BRMS1L: variants seen among roughly 807,000 people sequenced by gnomAD.
The protein encoded by BRMS1L is BRMS1 like transcriptional repressor.
In BRMS1L, 23 loss-of-function variants were observed where a neutral mutation model predicts 50.3. That is an observed-to-expected ratio of 0.46 (90% confidence interval 0.33 to 0.65). The LOEUF (loss-of-function observed/expected upper bound fraction) is 0.65. Ranked by LOEUF, BRMS1L falls within the 30% of genes least tolerant of loss-of-function variation. The pLI is 0.02. For synonymous variants in BRMS1L, 114 were observed against 126.9 expected (o/e 0.90, Z 0.69); for missense variants, 286 against 386.1 (o/e 0.74, Z 2.17).
chr14:35,832,226 C>T (rs965122053), intron 2 of BRMS1L, among the ~76,000 whole-genome samples: 1 of 151,424 alleles, frequency 6.6e-6, no homozygotes. Context: ...TAGGCTGGGC[C>T]GGGCACGGTG....
Position 35,870,396 on chromosome 14 carries a change from G to T in BRMS1L, c.891G>T (p.Trp297Cys). The change falls in exon 10 of 10, where the codon TGG (tryptophan) becomes TGT (cysteine). Residue 297 changes from tryptophan to cysteine, a missense_variant. Trp to Cys is a radical substitution (Grantham distance 215). Around this residue, in one of 5 missense-constraint regions of BRMS1L, gnomAD observed 49 missense variants for 39.1 expected, o/e 1.25. Transcript: ENST00000216807. ...VITTINHDEV[W>C]FKRPDGSKSK... is the part of the protein sequence containing the mutation. Reference sequence around the variant, plus strand: ...CAACAATTAACCATGATGAAGTTTGGTTTAAGAGGCCTGATGGAAGCAAAT... The same window carrying T: ...CAACAATTAACCATGATGAAGTTTGTTTTAAGAGGCCTGATGGAAGCAAAT... 1 of 1,607,026 alleles carries T rather than the reference G, an allele frequency of 6.2e-7. No homozygotes were observed. Among genetic ancestry groups the T allele is most frequent in the Non-Finnish European group, 8.5e-7 (1 of 1,176,728 alleles).
intron 4 of BRMS1L, among the ~76,000 whole-genome samples, chr14:35,859,563 A>G (rs1318786502): frequency 6.6e-6 from 1 of 151,988 alleles, no homozygotes; most frequent in Non-Finnish European, 1.5e-5. Flanking sequence ...GTATTGTGGG[A>G]TTGTGAGATG....
At chr14:35,830,068 C>T (rs2077898724) in intron 1 of BRMS1L, among the ~76,000 whole-genome samples, 1 of 151,352 alleles carries the variant, frequency 6.6e-6, no homozygotes, top group Non-Finnish European at 1.5e-5. Flanking sequence ...TTTTCTTTTT[C>T]TTTTTTTTTC....
intron 4 of BRMS1L, chr14:35,858,603 A>T (rs1384269114): frequency 6.6e-6 from 1 of 152,236 alleles, no homozygotes; most frequent in Non-Finnish European, 1.5e-5. Flanking sequence ...TTTGGGAGCA[A>T]CTTAGCTGGA....
At position 35,847,589 on chromosome 14, in the gene BRMS1L, G is replaced by A. The variant is rs571898761; in HGVS notation, c.441+12666G>A. Among the ~76,000 whole-genome samples the A allele has an allele frequency of 4.5e-4, 68 of 152,204 alleles. 1 individual carries two copies. The highest frequency in any genetic ancestry group is 5.3e-4 in the Non-Finnish European group (36 of 68,040). On this transcript the variant is annotated intron_variant, in intron 4 of 9. Transcript: ENST00000216807. Reference sequence around the variant, plus strand: ...AATAGTAAAGTCATTCACCATTTGAGATTTGGAGGCCAAAGGTACTAATGA... The same window carrying A: ...AATAGTAAAGTCATTCACCATTTGAAATTTGGAGGCCAAAGGTACTAATGA...
At chr14:35,861,576 A>C (rs1735689549) in intron 4 of BRMS1L, among the ~76,000 whole-genome samples, 1 of 152,238 alleles carries the variant, frequency 6.6e-6, no homozygotes, top group Admixed American at 6.5e-5. Context: ...GTTTGATATG[A>C]AATCTAGTTT....
chr14:35,832,730 G>C (rs2077938957), intron 2 of BRMS1L, among the ~76,000 whole-genome samples: 1 of 152,148 alleles, frequency 6.6e-6, no homozygotes, highest in Non-Finnish European at 1.5e-5. Flanking sequence ...CCAAAAAGTA[G>C]TTATTTCAAT....
At chr14:35,841,086 T>C (rs1022500791) in intron 4 of BRMS1L, among the ~76,000 whole-genome samples, 17 of 152,126 alleles carry the variant, frequency 1.1e-4, no homozygotes, top group Admixed American at 1.0e-3. Flanking sequence ...ACTTATTTAT[T>C]TCTGCCTTAA....
rs1059562 is a variant in BRMS1L at position 35,871,411 on chromosome 14, C to G, written c.*934C>G. On this transcript the variant is annotated 3_prime_UTR_variant, in exon 10 of 10. Transcript: ENST00000216807. ...TCTATTTCCAAATTAATATTTTTTT[C>G]TTTGGTATTTCTACACTTTAAGGCC... is the stretch of plus-strand genomic sequence containing the variant. 14 of 152,450 alleles carry G rather than the reference C, an allele frequency of 9.2e-5. No individual in the cohort carries two copies. Among genetic ancestry groups the G allele is most frequent in the African/African-American group, 3.4e-4 (14 of 41,400 alleles). The allele number at this position is 152,450 out of a possible 1,614,324, so 9.4% of individuals were successfully genotyped here. A position where few individuals can be genotyped will look rare whatever the true frequency, so the allele number is the denominator to read the frequency against.
intron 1 of BRMS1L, among the ~76,000 whole-genome samples, 193 bp from the exon 2 acceptor site, chr14:35,831,217 G>A (rs141336042): frequency 1.3e-5 from 2 of 152,188 alleles, no homozygotes; most frequent in African/African-American, 4.8e-5. Flanking sequence ...TGGAATTAGA[G>A]GCATGAGCCA....
intron 4 of BRMS1L, among the ~76,000 whole-genome samples, chr14:35,859,475 A>G (rs894976596): frequency 2.6e-5 from 4 of 152,122 alleles, no homozygotes; most frequent in Admixed American, 2.0e-4. Flanking sequence ...GTCTCTTACC[A>G]TTTTGATTCC....
intron 4 of BRMS1L, among the ~76,000 whole-genome samples, chr14:35,857,301 G>GTATA (rs35853963): frequency 1.0e-4 from 15 of 147,428 alleles, no homozygotes; most frequent in Admixed American, 2.7e-4. Context: ...GTGTGTGTGT[G>GTATA]TATATATATA....
chr14:35,843,485 C>T (rs563578115), intron 4 of BRMS1L, among the ~76,000 whole-genome samples: 1 of 152,322 alleles, frequency 6.6e-6, no homozygotes, highest in East Asian at 1.9e-4. Context: ...ACTCTAAACC[C>T]TGTTTGCCTG....
intron 2 of BRMS1L, among the ~76,000 whole-genome samples, chr14:35,832,711 T>C (rs539628497): frequency 6.6e-4 from 100 of 152,330 alleles, no homozygotes; most frequent in Non-Finnish European, 1.3e-3. Context: ...AAAACAAACA[T>C]TAATAGTGCC....
chr14:35,834,807 T>A, intron 3 of BRMS1L, 37 bp from the exon 4 acceptor site: 1 of 1,389,392 alleles, frequency 7.2e-7, no homozygotes, highest in Non-Finnish European at 9.6e-7. Flanking sequence ...GAACTTCTCA[T>A]TGCTAACATA....
chr14:35,855,681 A>C (rs980417680), intron 4 of BRMS1L, among the ~76,000 whole-genome samples: 1 of 152,136 alleles, frequency 6.6e-6, no homozygotes, highest in African/African-American at 2.4e-5. Flanking sequence ...TATGTTTAAC[A>C]TGTTAATCTG....
At chr14:35,868,112 C>T in intron 9 of BRMS1L, 80 bp downstream of exon 9, 1 of 1,396,910 alleles carries the variant, frequency 7.2e-7, no homozygotes, top group South Asian at 1.5e-5. Context: ...TTCCTGCCTC[C>T]ATAGTGTGCC....
chr14:35,835,553 A>G (rs1425507763), intron 4 of BRMS1L, among the ~76,000 whole-genome samples: 1 of 152,218 alleles, frequency 6.6e-6, no homozygotes, highest in African/African-American at 2.4e-5. Flanking sequence ...GCATTTAAAA[A>G]ACATAGTGCC....
Position 35,829,934 on chromosome 14 carries a change from A to T in BRMS1L, c.143-1476A>T, listed in dbSNP as rs892198993. ...TAATTAACAGTTGCTTTCCTTAAAA[A>T]GTTTGTATTTTCCTCCTCATTTGCC... On this transcript the variant is annotated intron_variant, in intron 1 of 9. Coordinates refer to ENST00000216807, the MANE Select transcript of BRMS1L (RefSeq NM_032352.4). 1.0e-5 allele frequency: 9 copies of T among 900,570 alleles called. No homozygotes were observed. The African/African-American group carries it at 1.5e-4, about 15-fold the overall frequency. 55.8% of individuals were successfully genotyped at this position (900,570 alleles called of 1,614,324 possible). A position where few individuals can be genotyped will look rare whatever the true frequency, so the allele number is the denominator to read the frequency against.
Sources: gnomAD v4.1 joint callset for allele counts (sites outside exome capture counted in the v4.1 genomes callset) on GRCh38, gnomAD v4.1.1 for gene constraint, gnomAD v4.1.1 regional missense constraint, MANE v1.5 for transcripts, NCBI Gene and HGNC (gene_info 2026-07-23, HGNC 2026-07-21) for gene names.